SNTB1: variants seen among roughly 807,000 people sequenced by gnomAD.
The protein encoded by SNTB1 is beta-1-syntrophin.
In SNTB1, 36 loss-of-function variants were observed where a neutral mutation model predicts 48.9. That is an observed-to-expected ratio of 0.74 (90% CI 0.56 to 0.97). SNTB1 has a LOEUF of 0.97. Ranked by LOEUF, SNTB1 falls within the 50% of genes least tolerant of loss-of-function variation. SNTB1 has a pLI of 0.00. For synonymous variants in SNTB1, 299 were observed against 294.6 expected, an observed-to-expected ratio of 1.01 and a Z score of -0.15; for missense variants, 786 against 703.4, an observed-to-expected ratio of 1.12 and a Z score of -1.33.
intron 1 of SNTB1, among the ~76,000 whole-genome samples, chr8:120,760,021 T>C (rs1819389610): frequency 6.6e-6 from 1 of 152,160 alleles, no homozygotes. Flanking sequence ...ACAGTCTCTG[T>C]CACAAATACT....
At chr8:120,752,443 A>G (rs1010306267) in intron 1 of SNTB1, among the ~76,000 whole-genome samples, 1 of 152,140 alleles carries the variant, frequency 6.6e-6, no homozygotes, top group African/African-American at 2.4e-5. Context: ...ATTATTGAGT[A>G]TATATCTAAA....
rs1446919401 is a variant in SNTB1 at position 120,811,645 on chromosome 8, AGCCATTGGTG to A, written c.189_198del (p.Thr64ArgfsTer47). ...CCAGCCCCGGCGCCCCTGCAGAACG[AGCCATTGGTG>A]GCGGTCCCGATGCCGTTGTACGCCG... On this transcript the variant is annotated frameshift_variant, in exon 1 of 7. Transcript: ENST00000517992. LOFTEE classifies it high-confidence loss of function. 3 of 1,594,002 alleles carry A rather than the reference AGCCATTGGTG, an allele frequency of 1.9e-6. No homozygotes were observed. The highest frequency in any genetic ancestry group is 2.6e-6 in the Non-Finnish European group (3 of 1,173,770).
At chr8:120,711,882 TC>T (rs1344009378) in intron 1 of SNTB1, among the ~76,000 whole-genome samples, 2 of 152,214 alleles carry the variant, frequency 1.3e-5, no homozygotes, top group Non-Finnish European at 2.9e-5. Flanking sequence ...CATTTTCTTT[TC>T]TTTTTTAAAT....
intron 1 of SNTB1, among the ~76,000 whole-genome samples, chr8:120,732,704 G>C (rs1202268634): frequency 6.6e-6 from 1 of 152,058 alleles, no homozygotes; most frequent in Non-Finnish European, 1.5e-5. Context: ...AATTTAGCTG[G>C]GCATGTTGGC....
In SNTB1 at chr8:120,614,976, T is replaced by TAAAAAAAA. The variant is rs61318757; in HGVS notation, c.996+17460_996+17467dup. The stretch of plus-strand genomic sequence containing the variant: ...CAACATGGTGAAATCTCACCTCTAC[T>TAAAAAAAA]AAAAAAAAAAAAAAAAAAAAAAAAA... On this transcript the variant is annotated intron_variant, in intron 3 of 6. Coordinates refer to ENST00000517992, the MANE Select transcript of SNTB1 (RefSeq NM_021021.4). Among the ~76,000 whole-genome samples, 93 of 73,262 alleles carry TAAAAAAAA rather than the reference T, an allele frequency of 1.3e-3. 7 individuals carry two copies. The highest frequency in any genetic ancestry group is 5.5e-3 in the African/African-American group (84 of 15,302). The allele number at this position is 73,262 out of a possible 152,430, so 48.1% of individuals were successfully genotyped here.
At chr8:120,539,306 CAG>C (rs1815248204) in intron 6 of SNTB1, among the ~76,000 whole-genome samples, 2 of 51,440 alleles carry the variant, frequency 3.9e-5, no homozygotes, top group African/African-American at 6.4e-4. Context: ...CAGTATGAAG[CAG>C]TACTAAATTT....
intron 1 of SNTB1, among the ~76,000 whole-genome samples, chr8:120,722,287 T>A (rs1014970553): frequency 1.7e-4 from 26 of 152,350 alleles, no homozygotes; most frequent in Admixed American, 3.9e-4. Context: ...GGTCAAATGA[T>A]ATTTCTAGCT....
At chr8:120,634,429 T>C (rs1339553071) in intron 2 of SNTB1, among the ~76,000 whole-genome samples, 1 of 152,164 alleles carries the variant, frequency 6.6e-6, no homozygotes, top group Non-Finnish European at 1.5e-5. Flanking sequence ...AATGGAACTT[T>C]GGAGAGAGAG....
chr8:120,650,134 C>T (rs866140795), intron 2 of SNTB1, among the ~76,000 whole-genome samples: 4 of 152,230 alleles, frequency 2.6e-5, no homozygotes, highest in Non-Finnish European at 4.4e-5. Context: ...TCTTCTGCAT[C>T]GCTCACGCTG....
At chr8:120,757,414 G>GA (rs1385683130) in intron 1 of SNTB1, among the ~76,000 whole-genome samples, 2 of 152,172 alleles carry the variant, frequency 1.3e-5, no homozygotes, top group African/African-American at 4.8e-5. Context: ...TGTTAGAGCT[G>GA]AAAACTGGAA....
rs569283119 is a variant in SNTB1, at chr8:120,799,452, C to T, written c.571+11821G>A. 5.9e-5 allele frequency among the ~76,000 whole-genome samples: 9 copies of T among 151,498 alleles called. 1 individual carries two copies. Among genetic ancestry groups the T allele is most frequent in the African/African-American group, 2.2e-4 (9 of 41,260 alleles). On this transcript the variant is annotated intron_variant, in intron 1 of 6. Transcript: ENST00000517992. ...AAGCAAAGATAATGTGTCTACAAAA[C>T]AACAAGAGGATGCTATATAAAAAAG...
intron 1 of SNTB1, among the ~76,000 whole-genome samples, chr8:120,749,259 G>T (rs556599630): frequency 7.9e-5 from 12 of 152,034 alleles, no homozygotes; most frequent in African/African-American, 1.2e-4. Flanking sequence ...AAATTTGCTT[G>T]GGCAAACCAC....
At chr8:120,708,591 A>C (rs1818415056) in intron 1 of SNTB1, among the ~76,000 whole-genome samples, 1 of 152,176 alleles carries the variant, frequency 6.6e-6, no homozygotes, top group African/African-American at 2.4e-5. Flanking sequence ...CCAACAATAT[A>C]TATAGAAGAC....
At chr8:120,707,878 AAATCT>A (rs1818402421) in intron 1 of SNTB1, among the ~76,000 whole-genome samples, 2 of 152,154 alleles carry the variant, frequency 1.3e-5, no homozygotes, top group Non-Finnish European at 2.9e-5. Context: ...GATGCTGGGA[AAATCT>A]ATGGATATTG....
intron 4 of SNTB1, among the ~76,000 whole-genome samples, chr8:120,562,744 C>A (rs189551055): frequency 6.6e-6 from 1 of 152,202 alleles, no homozygotes; most frequent in East Asian, 1.9e-4. Context: ...CTGAGGCTGG[C>A]CTGAGGCAGC....
At position 120,604,523 on chromosome 8, in the gene SNTB1, G is replaced by A. The variant is rs536485102; in HGVS notation, c.996+27921C>T. 4.0e-5 allele frequency among the ~76,000 whole-genome samples: 6 copies of A among 149,418 alleles called. No homozygotes were observed. In the South Asian group the frequency reaches 8.5e-4, roughly 21 times the overall value. On this transcript the variant is annotated intron_variant, in intron 3 of 6. Transcript: ENST00000517992. ...GGCTGGAGTGAAGTGGTGTGATCTC[G>A]ACTCACTGCAACCTCTGCCTCCCGG...
intron 1 of SNTB1, among the ~76,000 whole-genome samples, chr8:120,777,504 A>G (rs1819756023): frequency 6.6e-6 from 1 of 152,138 alleles, no homozygotes; most frequent in Admixed American, 6.5e-5. Context: ...CTTTCTCCCA[A>G]TTTGCCATGG....
At chr8:120,602,375 A>G (rs1355373910) in intron 3 of SNTB1, among the ~76,000 whole-genome samples, 1 of 152,156 alleles carries the variant, frequency 6.6e-6, no homozygotes, top group Non-Finnish European at 1.5e-5. Flanking sequence ...TATTTTTTAG[A>G]TGTGATTAAC....
chr8:120,669,661 C>G (rs1366250377), intron 2 of SNTB1, among the ~76,000 whole-genome samples: 2 of 41,130 alleles, frequency 4.9e-5, no homozygotes, highest in Non-Finnish European at 8.0e-5. Context: ...ACCGTGTTAG[C>G]CAGGATGGTC....
Sources: gnomAD v4.1 joint callset for allele counts (sites outside exome capture counted in the v4.1 genomes callset) on GRCh38, gnomAD v4.1.1 for gene constraint, MANE v1.5 for transcripts, NCBI Gene and HGNC (gene_info 2026-07-23, HGNC 2026-07-21) for gene names.